Variants in CTXND2 observed in about 807,000 individuals in gnomAD.
CTXND2 encodes cortexin domain containing 2.
intron 1 of CTXND2, chr1:150,904,167 A>T (rs1405264402): frequency 3.1e-6 from 2 of 642,930 alleles, no homozygotes; most frequent in African/African-American, 3.6e-5. Flanking sequence ...AAGAAGGCAG[A>T]AAAGGCCGAC....
chr1:150,892,560 G>A (rs1362888379), intron 1 of CTXND2, among the ~76,000 whole-genome samples: 1 of 142,592 alleles, frequency 7.0e-6, no homozygotes, highest in Non-Finnish European at 1.5e-5. Context: ...TTGAGACAGG[G>A]CCTCGCTTTA....
In CTXND2 at chr1:150,893,107, T is replaced by C. The variant is rs1411597734; in HGVS notation, c.-74+5794T>C. Among the ~76,000 whole-genome samples, 3 of 152,350 alleles carry C rather than the reference T, an allele frequency of 2.0e-5. No individual in the cohort carries two copies. In the South Asian group the frequency reaches 6.2e-4, roughly 32 times the overall value. ...TTTGTTAAACTTATTTTTAAATATC[T>C]TACGTATTTTTAATGCCATTGTAAA... On this transcript the variant is annotated intron_variant, in intron 1 of 1. Coordinates refer to ENST00000636087, the Ensembl canonical transcript of CTXND2.
At chr1:150,891,557 T>C (rs1668851034) in intron 1 of CTXND2, among the ~76,000 whole-genome samples, 1 of 152,226 alleles carries the variant, frequency 6.6e-6, no homozygotes, top group African/African-American at 2.4e-5. Flanking sequence ...GTAATTTTCA[T>C]GTTTACAAGC....
At chr1:150,898,449 C>G (rs1371532461) in intron 1 of CTXND2, among the ~76,000 whole-genome samples, 1 of 151,996 alleles carries the variant, frequency 6.6e-6, no homozygotes, top group Non-Finnish European at 1.5e-5. Context: ...ATATCTGGCC[C>G]TCAAGATTTA....
chr1:150,900,097 G>A lies in CTXND2; in HGVS notation c.-73-12145G>A, dbSNP rs143884550. On this transcript the variant is annotated intron_variant, in intron 1 of 1. Coordinates refer to ENST00000636087, the Ensembl canonical transcript of CTXND2. Reference sequence around the variant, plus strand: ...CTGAGCCAGCAGCAGCAACCCGTTCGGGTCCCTTTCCACCGTGTGGAGGCT... The same window carrying A: ...CTGAGCCAGCAGCAGCAACCCGTTCAGGTCCCTTTCCACCGTGTGGAGGCT... 2.1e-3 allele frequency among the ~76,000 whole-genome samples: 319 copies of A among 152,234 alleles called. 2 individuals are homozygous for A. The highest frequency in any genetic ancestry group is 6.8e-3 in the Middle Eastern group (2 of 294).
Position 150,899,079 on chromosome 1 carries a change from C to T in CTXND2, c.-74+11766C>T, listed in dbSNP as rs1668957239. On this transcript the variant is annotated intron_variant, in intron 1 of 1. Coordinates refer to ENST00000636087, the Ensembl canonical transcript of CTXND2. ...CGCCACTGCACTCCAGCCTGGGCGA[C>T]AGAGCAAGACTCCGTCTCAAATAAA... is the stretch of plus-strand genomic sequence containing the variant. Among the ~76,000 whole-genome samples the T allele has an allele frequency of 2.0e-5, 3 of 150,778 alleles. No homozygotes were observed. The South Asian group carries it at 6.2e-4, about 31-fold the overall frequency.
chr1:150,908,688 T>C (rs147921233), intron 1 of CTXND2, among the ~76,000 whole-genome samples: 2,117 of 152,024 alleles, frequency 0.014, 33 homozygotes, highest in Non-Finnish European at 0.024. Context: ...AGTGGTGCGA[T>C]CATAGCTCAC....
At chr1:150,912,351 G>A (rs748567868) in exon 2 of CTXND2, 184 of 398,552 alleles carry the variant, frequency 4.6e-4, no homozygotes, top group Non-Finnish European at 6.0e-4. Flanking sequence ...TGTTGATGTG[G>A]ACAAAGGCTT....
At chr1:150,906,709 A>C (rs975064111) in intron 1 of CTXND2, among the ~76,000 whole-genome samples, 2 of 152,118 alleles carry the variant, frequency 1.3e-5, no homozygotes, top group African/African-American at 4.8e-5. Context: ...GCCTAGGAAG[A>C]AAATGTGGCC....
chr1:150,901,446 C>A (rs1291962280), intron 1 of CTXND2, among the ~76,000 whole-genome samples: 1 of 152,166 alleles, frequency 6.6e-6, no homozygotes, highest in African/African-American at 2.4e-5. Flanking sequence ...ACCAAACACT[C>A]TTGAAAATGA....
intron 1 of CTXND2, among the ~76,000 whole-genome samples, chr1:150,899,097 C>CAAATAAATAAATAAAT (rs71090107): frequency 8.3e-6 from 1 of 119,816 alleles, no homozygotes; most frequent in Non-Finnish European, 1.7e-5. Flanking sequence ...GACTCCGTCT[C>CAAATAAATAAATAAAT]AAATAAATAA....
intron 1 of CTXND2, among the ~76,000 whole-genome samples, chr1:150,905,103 C>CAA (rs1553235751): frequency 2.2e-5 from 3 of 134,700 alleles, no homozygotes; most frequent in African/African-American, 8.3e-5. Context: ...CACACACACA[C>CAA]AAATCACCCT....
intron 1 of CTXND2, among the ~76,000 whole-genome samples, chr1:150,910,119 TGTTTTTTTTTTTTC>T (rs1558003084): frequency 6.7e-6 from 1 of 149,230 alleles, no homozygotes; most frequent in Non-Finnish European, 1.5e-5. Context: ...TTCTTTTTTC[TGTTTTTTTTTTTTC>T]TTTTTTTTTT....
At chr1:150,901,647 C>T (rs1366612415) in intron 1 of CTXND2, among the ~76,000 whole-genome samples, 3 of 152,218 alleles carry the variant, frequency 2.0e-5, no homozygotes, top group Non-Finnish European at 2.9e-5. Context: ...GGAGCAGTGG[C>T]TCATGCCTGT....
At chr1:150,888,753 C>T (rs6669855) in intron 1 of CTXND2, among the ~76,000 whole-genome samples, 52,571 of 151,612 alleles carry the variant, frequency 0.35, 9,950 homozygotes, top group South Asian at 0.54. Context: ...TGCAGTGGTG[C>T]GATCATGGCT....
chr1:150,900,761 A>G (rs141006543), intron 1 of CTXND2, among the ~76,000 whole-genome samples: 22 of 152,296 alleles, frequency 1.4e-4, no homozygotes, highest in African/African-American at 4.8e-4. Flanking sequence ...TCGAGGGGAG[A>G]AGGAGACCAC....
At chr1:150,901,192 C>T (rs587624659) in intron 1 of CTXND2, among the ~76,000 whole-genome samples, 91 of 129,696 alleles carry the variant, frequency 7.0e-4, no homozygotes, top group African/African-American at 2.2e-3. Context: ...TTAAGAAAAG[C>T]AATGCAAAAT....
At chr1:150,889,236 C>T (rs1010309534) in intron 1 of CTXND2, among the ~76,000 whole-genome samples, 2 of 151,730 alleles carry the variant, frequency 1.3e-5, no homozygotes, top group African/African-American at 2.4e-5. Context: ...GATGAGACCC[C>T]GTCTCTACAA....
intron 1 of CTXND2, among the ~76,000 whole-genome samples, chr1:150,903,088 T>C (rs989895779): frequency 6.6e-6 from 1 of 152,184 alleles, no homozygotes; most frequent in Non-Finnish European, 1.5e-5. Context: ...TATTTTGGCC[T>C]AAATTTATAG....
Sources: allele counts gnomAD v4.1 joint callset (sites outside exome capture counted in the v4.1 genomes callset), GRCh38; gene constraint gnomAD v4.1.1; transcripts MANE v1.5; gene names NCBI Gene and HGNC (gene_info 2026-07-23, HGNC 2026-07-21).